The following FARSA variants were observed in gnomAD, a reference collection of about 807,000 sequenced individuals.
FARSA encodes phenylalanine--tRNA ligase alpha subunit.
A neutral mutation model predicts 63.2 loss-of-function variants in FARSA; 37 were observed. That is an observed-to-expected ratio of 0.59 (90% CI 0.45 to 0.77). The LOEUF (loss-of-function observed/expected upper bound fraction) is 0.77. Ranked by LOEUF, FARSA falls within the 30% of genes least tolerant of loss-of-function variation. FARSA has a pLI of 0.00. For synonymous variants in FARSA, 312 were observed against 285.1 expected (o/e 1.09, Z -0.95); for missense variants, 618 against 696.6 (o/e 0.89, Z 1.27).
intron 7 of FARSA, among the ~76,000 whole-genome samples, chr19:12,926,134 A>G (rs1971324196): frequency 6.7e-6 from 1 of 148,680 alleles, no homozygotes; most frequent in Non-Finnish European, 1.5e-5. Context: ...ATGCCCAGCT[A>G]ATTTTTGTAT....
chr19:12,930,477 C>T lies in FARSA; in HGVS notation c.336G>A (p.Trp112Ter). 7.4e-6 allele frequency: 12 copies of T among 1,614,228 alleles called. No individual in the cohort carries two copies. Among genetic ancestry groups the T allele is most frequent in the Non-Finnish European group, 9.3e-6 (11 of 1,180,024 alleles). The change falls in exon 3 of 13, where the codon TGG becomes TGA. Residue 112 changes from tryptophan to a stop codon, truncating the protein, a stop_gained. Transcript: ENST00000314606. LOFTEE classifies it high-confidence loss of function. ...VGFSKAMSNK[W>*]IRVDKSAADG... is the part of the protein sequence containing the mutation. ...CAGCCGCACTCTTGTCCACCCGAAT[C>T]CACTTGTTGGACATGGCCTTGCTGA...
chr19:12,933,497 A>AG (rs1402188616), intron 1 of FARSA, 53 bp downstream of exon 1: 3 of 1,521,904 alleles, frequency 2.0e-6, no homozygotes, highest in Admixed American at 4.0e-5. Context: ...GCCCGTGGCA[A>AG]GGGGACTGTA....
intron 4 of FARSA, 77 bp downstream of exon 4, chr19:12,930,146 G>T: frequency 1.7e-6 from 2 of 1,170,446 alleles, no homozygotes; most frequent in South Asian, 2.6e-5. Flanking sequence ...GTGTGGGCAA[G>T]ATGTCTCCCT....
intron 7 of FARSA, among the ~76,000 whole-genome samples, chr19:12,926,562 C>T (rs188387195): frequency 4.6e-5 from 7 of 152,226 alleles, no homozygotes; most frequent in Admixed American, 1.3e-4. Context: ...CGTGAGCCAC[C>T]GCGCCCGGCC....
chr19:12,924,929 C>A lies in FARSA; in HGVS notation c.1001G>T (p.Arg334Leu). ...LRTHTTSASARALYRLAQKKP... is the reference protein window; with the variant it reads ...LRTHTTSASALALYRLAQKKP... ...CTTCTGGGCAAGGCGGTAGAGCGCACGGGCGCTGGCTGATGTGGTGTGGGT... is the reference window on the plus strand; with the variant it reads ...CTTCTGGGCAAGGCGGTAGAGCGCAAGGGCGCTGGCTGATGTGGTGTGGGT... The change falls in exon 9 of 13, where the codon CGT becomes CTT. Residue 334 changes from arginine to leucine, a missense_variant. Arg to Leu is a moderately radical substitution (Grantham distance 102). Transcript: ENST00000314606. This position sits in a 1 kb window ranked among gnomAD's most constrained non-coding sequence, Gnocchi z 6.4. The A allele has an allele frequency of 6.2e-6, 10 of 1,614,250 alleles. No individual in the cohort carries two copies. The highest frequency in any genetic ancestry group is 7.6e-6 in the Non-Finnish European group (9 of 1,180,036).
intron 4 of FARSA, among the ~76,000 whole-genome samples, chr19:12,929,286 A>T (rs1971364717): frequency 6.6e-6 from 1 of 152,174 alleles, no homozygotes; most frequent in East Asian, 1.9e-4. Flanking sequence ...AGCTCACTGC[A>T]TCCTCCACCT....
rs761416543 is a variant in FARSA at position 12,924,626 on chromosome 19, C to G, written c.1195+13G>C. 1 of 1,607,486 alleles carries G rather than the reference C, an allele frequency of 6.2e-7. No individual in the cohort carries two copies. Among genetic ancestry groups the G allele is most frequent in the Admixed American group, 1.7e-5 (1 of 59,738 alleles). On this transcript the variant is annotated intron_variant, in intron 10 of 12. Coordinates refer to ENST00000314606, the MANE Select transcript of FARSA (RefSeq NM_004461.3). This position sits in a 1 kb window ranked among gnomAD's most constrained non-coding sequence, Gnocchi z 6.4. ...GCCTCACCACCATGGCCCACCCCTG[C>G]CCCCCTGCTCACCCAGCTTGGTGAA...
Position 12,922,760 on chromosome 19 carries a change from C to T in FARSA, c.1515G>A (p.Gln505=). The T allele has an allele frequency of 1.9e-6, 3 of 1,613,896 alleles. No homozygotes were observed. Among genetic ancestry groups the T allele is most frequent in the Non-Finnish European group, 2.5e-6 (3 of 1,180,004 alleles). The part of the protein sequence containing the change: ...LDAEPRPPPT[Q]EAA ...AGAGTGGCCCATGTCACGCAGCCTC[C>T]TGTGTGGGAGGGGGCCTCGGCTCGG... The change falls in exon 13 of 13, where the codon CAG becomes CAA. Residue 505 remains glutamine (Q), a synonymous_variant. Coordinates refer to ENST00000314606, the MANE Select transcript of FARSA (RefSeq NM_004461.3).
chr19:12,933,486 C>A (rs1971417386), intron 1 of FARSA, 64 bp downstream of exon 1: 3 of 1,511,368 alleles, frequency 2.0e-6, no homozygotes, highest in Non-Finnish European at 1.8e-6. Context: ...GGACGTAGAG[C>A]GCCCGTGGCA....
intron 4 of FARSA, 57 bp downstream of exon 4, chr19:12,930,166 C>A: frequency 7.3e-7 from 1 of 1,377,512 alleles, no homozygotes; most frequent in Non-Finnish European, 1.0e-6. Flanking sequence ...TCCCACCATG[C>A]CTCCACCATG....
chr19:12,933,050 G>A lies in FARSA; in HGVS notation c.147+500C>T, dbSNP rs1971413317. On this transcript the variant is annotated intron_variant, in intron 1 of 12. Coordinates refer to ENST00000314606, the MANE Select transcript of FARSA (RefSeq NM_004461.3). ...GTTCCCTCATGAGGTAAAGACCTAA[G>A]AGGCTTTGCAATTACAGCTATGCTG... The A allele has an allele frequency of 3.7e-5, 6 of 161,880 alleles. No individual in the cohort carries two copies. In the South Asian group the frequency reaches 6.6e-4, roughly 18 times the overall value. The allele number at this position is 161,880 out of a possible 1,614,324, so 10.0% of individuals were successfully genotyped here.
At chr19:12,932,659 C>A (rs1263569781) in intron 1 of FARSA, among the ~76,000 whole-genome samples, 1 of 152,152 alleles carries the variant, frequency 6.6e-6, no homozygotes, top group African/African-American at 2.4e-5. Context: ...CAAGCTGAGA[C>A]CAAAGTGGGG....
intron 1 of FARSA, 152 bp downstream of exon 1, chr19:12,933,398 C>T (rs961254269): frequency 1.2e-6 from 1 of 862,872 alleles, no homozygotes; most frequent in Non-Finnish European, 1.7e-6. Context: ...GGCCCTCACT[C>T]GTCCCACTTC....
intron 8 of FARSA, 22 bp from the exon 9 acceptor site, chr19:12,925,025 G>C: frequency 1.2e-6 from 2 of 1,613,288 alleles, no homozygotes; most frequent in Non-Finnish European, 1.7e-6. Context: ...AAGGTGGGAA[G>C]TCCATGCAAT....
chr19:12,933,692 G>C lies in FARSA; in HGVS notation c.5C>G (p.Ala2Gly), dbSNP rs2146004140. 6.4e-7 allele frequency: 1 copy of C among 1,567,488 alleles called. No homozygotes were observed. Among genetic ancestry groups the C allele is most frequent in the East Asian group, 2.3e-5 (1 of 42,682 alleles). The part of the protein sequence containing the change: M[A>G]DGQVAELLLR... The stretch of plus-strand genomic sequence containing the variant: ...CAGCAGTTCCGCCACCTGACCATCC[G>C]CCATGACTCCTTCCAGTGTGCTCAG... The change falls in exon 1 of 13, where the codon GCG (alanine) becomes GGG (glycine). Residue 2 changes from alanine to glycine, a missense_variant. Physicochemically the swap from Ala to Gly is moderately conservative, Grantham distance 60. Transcript: ENST00000314606.
Position 12,930,531 on chromosome 19 carries a change from G to A in FARSA, c.286-4C>T. 1 of 1,613,090 alleles carries A rather than the reference G, an allele frequency of 6.2e-7. No homozygotes were observed. The highest frequency in any genetic ancestry group is 1.7e-5 in the Admixed American group (1 of 59,984). ...CCACTTTGCCACTGGGCAGTCGCTG[G>A]AAAAGAGAGGCTGCAGTGAGTGGGG... On this transcript the variant is annotated splice_region_variant and splice_polypyrimidine_tract_variant and intron_variant, in intron 2 of 12. Coordinates refer to ENST00000314606, the MANE Select transcript of FARSA (RefSeq NM_004461.3).
In FARSA at chr19:12,927,729, C is replaced by CAAAAAA. The variant is rs71168636; in HGVS notation, c.841+607_841+612dup. On this transcript the variant is annotated intron_variant, in intron 7 of 12. Transcript: ENST00000314606. ...CTTGGGCGACAGAATGAGACTGTCT[C>CAAAAAA]AAAAAAAAAAAAAAAAAAAAAAAAA... Among the ~76,000 whole-genome samples the CAAAAAA allele has an allele frequency of 6.5e-5, 2 of 30,642 alleles. 1 individual carries two copies. Among genetic ancestry groups the CAAAAAA allele is most frequent in the African/African-American group, 3.3e-4 (2 of 6,152 alleles). 20.1% of individuals were successfully genotyped at this position (30,642 alleles called of 152,430 possible). A position where few individuals can be genotyped will look rare whatever the true frequency, so the allele number is the denominator to read the frequency against.
rs1304397207 is a variant in FARSA, at chr19:12,922,766, G to A, written c.1509C>T (p.Pro503=). Residue 503 remains proline, a synonymous_variant, in exon 13 of 13, where the codon CCC becomes CCT. Transcript: ENST00000314606. ...GCCCATGTCACGCAGCCTCCTGTGT[G>A]GGAGGGGGCCTCGGCTCGGCATCCA... ...CRLDAEPRPP[P]TQEAA is the part of the protein sequence containing the mutation. The A allele has an allele frequency of 6.2e-7, 1 of 1,613,822 alleles. No individual in the cohort carries two copies. The highest frequency in any genetic ancestry group is 1.7e-5 in the Admixed American group (1 of 59,986).
intron 7 of FARSA, among the ~76,000 whole-genome samples, chr19:12,927,119 G>A (rs890130812): frequency 1.3e-5 from 2 of 152,218 alleles, no homozygotes; most frequent in South Asian, 2.1e-4. Flanking sequence ...ATGAACACTA[G>A]GGGAGAAGGG....
Sources: gnomAD v4.1 joint callset for allele counts (sites outside exome capture counted in the v4.1 genomes callset) on GRCh38, gnomAD v4.1.1 for gene constraint, Gnocchi (gnomAD v3.1) non-coding constraint, MANE v1.5 for transcripts, NCBI Gene and HGNC (gene_info 2026-07-23, HGNC 2026-07-21) for gene names.